The following KCNH7 variants were observed in gnomAD, a reference collection of about 807,000 sequenced individuals.
The protein encoded by KCNH7 is potassium voltage-gated channel subfamily H member 7, also known as voltage-gated inwardly rectifying potassium channel KCNH7.
Under a neutral mutation model 120.8 loss-of-function variants are expected in KCNH7, and 49 were observed. That is an observed-to-expected ratio of 0.41 (90% CI 0.32 to 0.51). The LOEUF (loss-of-function observed/expected upper bound fraction) is 0.51, where lower values mean the gene tolerates loss of function less well. Ranked by LOEUF, KCNH7 falls within the 20% of genes least tolerant of loss-of-function variation. KCNH7 has a pLI of 0.38. For synonymous variants in KCNH7, 547 were observed against 516.1 expected (o/e 1.06, Z -0.81); for missense variants, 1,097 against 1,446.6 (o/e 0.76, Z 3.92).
intron 2 of KCNH7, among the ~76,000 whole-genome samples, chr2:162,794,430 G>T (rs1482544793): frequency 6.6e-6 from 1 of 152,002 alleles, no homozygotes; most frequent in Non-Finnish European, 1.5e-5. Flanking sequence ...CTCCTAAAAA[G>T]AACTCAACTC....
chr2:162,654,532 T>C (rs1684677229), intron 2 of KCNH7, among the ~76,000 whole-genome samples: 1 of 152,036 alleles, frequency 6.6e-6, no homozygotes, highest in Non-Finnish European at 1.5e-5. Context: ...AAGGAAAACC[T>C]TGCACACTGT....
intron 2 of KCNH7, among the ~76,000 whole-genome samples, chr2:162,649,717 T>C (rs768412646): frequency 6.6e-6 from 1 of 152,022 alleles, no homozygotes; most frequent in South Asian, 2.1e-4. Flanking sequence ...AGAGAGAAAG[T>C]GGAATTTTCA....
chr2:162,404,456 G>A (rs1181427742), intron 9 of KCNH7, among the ~76,000 whole-genome samples: 1 of 151,922 alleles, frequency 6.6e-6, no homozygotes, highest in Non-Finnish European at 1.5e-5. Flanking sequence ...TACCCATAAT[G>A]TCAGAGACGA....
chr2:162,759,644 G>A (rs1474343191), intron 2 of KCNH7, among the ~76,000 whole-genome samples: 3 of 151,784 alleles, frequency 2.0e-5, no homozygotes, highest in Non-Finnish European at 2.9e-5. Flanking sequence ...CCAAATGAAG[G>A]AGAAAGGGAG....
chr2:162,832,558 T>C (rs960111791), intron 2 of KCNH7, among the ~76,000 whole-genome samples: 1 of 152,000 alleles, frequency 6.6e-6, no homozygotes, highest in African/African-American at 2.4e-5. Flanking sequence ...CAAATACTCT[T>C]TTTCCATTAA....
intron 2 of KCNH7, among the ~76,000 whole-genome samples, chr2:162,609,981 C>A (rs968113131): frequency 6.6e-6 from 1 of 152,170 alleles, no homozygotes; most frequent in Non-Finnish European, 1.5e-5. Flanking sequence ...TTCTAAGCTA[C>A]CTTTAGGAGA....
At chr2:162,612,740 T>C (rs935876366) in intron 2 of KCNH7, among the ~76,000 whole-genome samples, 7 of 151,952 alleles carry the variant, frequency 4.6e-5, no homozygotes, top group African/African-American at 1.7e-4. Context: ...CATACATACA[T>C]TTGAAACATT....
At chr2:162,649,701 A>G (rs1301476292) in intron 2 of KCNH7, among the ~76,000 whole-genome samples, 1 of 150,560 alleles carries the variant, frequency 6.6e-6, no homozygotes, top group African/African-American at 2.5e-5. Context: ...AGAGAGAGAG[A>G]GGGAGAGAGA....
chr2:162,468,512 C>CTTTTTT (rs1166606647), intron 6 of KCNH7, among the ~76,000 whole-genome samples: 1 of 78,908 alleles, frequency 1.3e-5, no homozygotes, highest in Non-Finnish European at 2.3e-5. Context: ...TATTCTTTTC[C>CTTTTTT]TTTTTTTTTT....
At chr2:162,834,631 A>G (rs1685590080) in intron 2 of KCNH7, among the ~76,000 whole-genome samples, 1 of 152,148 alleles carries the variant, frequency 6.6e-6, no homozygotes, top group African/African-American at 2.4e-5. Context: ...ATATACTAAT[A>G]TGTTCAATAC....
At chr2:162,373,724 TA>T (rs1686051161) in intron 14 of KCNH7, 62 bp from the exon 15 acceptor site, 2 of 1,238,968 alleles carry the variant, frequency 1.6e-6, no homozygotes, top group Non-Finnish European at 2.1e-6. Flanking sequence ...CAGGAGCATT[TA>T]AAAAAATTTC....
chr2:162,375,807 G>T (rs1305936035), intron 14 of KCNH7, among the ~76,000 whole-genome samples: 1 of 151,390 alleles, frequency 6.6e-6, no homozygotes, highest in Non-Finnish European at 1.5e-5. Flanking sequence ...GGCTACTCAG[G>T]AGGCTGAAGT....
At chr2:162,551,555 G>A (rs1179929726) in intron 2 of KCNH7, among the ~76,000 whole-genome samples, 2 of 151,284 alleles carry the variant, frequency 1.3e-5, no homozygotes, top group Non-Finnish European at 2.9e-5. Flanking sequence ...AAACAGAGAA[G>A]GTGAACTAGA....
intron 3 of KCNH7, among the ~76,000 whole-genome samples, chr2:162,530,239 G>A (rs1001134903): frequency 2.0e-5 from 3 of 151,908 alleles, no homozygotes; most frequent in Non-Finnish European, 4.4e-5. Flanking sequence ...TTTCTACTGT[G>A]TATTTCCCTC....
At chr2:162,538,237 T>A (rs139041526) in intron 2 of KCNH7, among the ~76,000 whole-genome samples, 1 of 152,182 alleles carries the variant, frequency 6.6e-6, no homozygotes, top group East Asian at 1.9e-4. Flanking sequence ...TTATTATTAT[T>A]TTTTTAGCTC....
At chr2:162,784,425 T>C (rs1683624968) in intron 2 of KCNH7, among the ~76,000 whole-genome samples, 2 of 152,182 alleles carry the variant, frequency 1.3e-5, no homozygotes, top group Non-Finnish European at 2.9e-5. Context: ...TCTGTCATGT[T>C]AGGTATAGAA....
At chr2:162,614,171 A>T (rs1367433796) in intron 2 of KCNH7, among the ~76,000 whole-genome samples, 1 of 152,120 alleles carries the variant, frequency 6.6e-6, no homozygotes, top group Non-Finnish European at 1.5e-5. Flanking sequence ...TATGGTTATA[A>T]AAACCTTTTA....
intron 2 of KCNH7, among the ~76,000 whole-genome samples, chr2:162,696,458 A>G (rs554958751): frequency 2.0e-5 from 3 of 152,312 alleles, no homozygotes; most frequent in South Asian, 4.1e-4. Flanking sequence ...AAGAGCTTCA[A>G]TAATGACCAT....
chr2:162,779,964 T>C (rs1683414456), intron 2 of KCNH7, among the ~76,000 whole-genome samples: 1 of 152,174 alleles, frequency 6.6e-6, no homozygotes, highest in South Asian at 2.1e-4. Flanking sequence ...TGCAATTGAG[T>C]TTTAACAAAA....
Sources: gnomAD v4.1 joint callset for allele counts (sites outside exome capture counted in the v4.1 genomes callset) on GRCh38, gnomAD v4.1.1 for gene constraint, MANE v1.5 for transcripts, NCBI Gene and HGNC (gene_info 2026-07-23, HGNC 2026-07-21) for gene names.